Variants in C12orf76 observed in about 807,000 individuals in gnomAD.
C12orf76 encodes uncharacterized protein C12orf76.
In C12orf76, 6 loss-of-function variants were observed where a neutral mutation model predicts 6.8. The observed-to-expected ratio is 0.88, with a 90% CI of 0.48 to 1.73. The LOEUF (loss-of-function observed/expected upper bound fraction) is 1.73. C12orf76 is among the 40% of genes most tolerant of loss of function. The probability of loss-of-function intolerance (pLI) is 0.01; values close to 1 mark genes in which losing one functional copy is unlikely to be tolerated. For synonymous variants in C12orf76, 56 were observed against 43.7 expected (o/e 1.28, Z -1.11); for missense variants, 99 against 98.2 (o/e 1.01, Z -0.03).
intron 1 of C12orf76, among the ~76,000 whole-genome samples, chr12:110,044,785 C>T (rs928487734): frequency 6.6e-6 from 1 of 152,014 alleles, no homozygotes; most frequent in Non-Finnish European, 1.5e-5. Flanking sequence ...ACCAGCCTGA[C>T]CAACATGGAG....
chr12:110,066,935 A>G (rs1380140147), intron 1 of C12orf76, among the ~76,000 whole-genome samples: 1 of 152,204 alleles, frequency 6.6e-6, no homozygotes, highest in Non-Finnish European at 1.5e-5. Flanking sequence ...ACCACGAATG[A>G]GAACACAGGC....
upstream of C12orf76, among the ~76,000 whole-genome samples, chr12:110,072,175 C>G (rs1436999850): frequency 6.6e-6 from 1 of 151,868 alleles, no homozygotes; most frequent in African/African-American, 2.4e-5. Flanking sequence ...GCCTGTAATC[C>G]TAATACTTCA....
chr12:110,060,794 G>T (rs574495474), intron 2 of C12orf76, among the ~76,000 whole-genome samples: 1 of 152,144 alleles, frequency 6.6e-6, no homozygotes, highest in Non-Finnish European at 1.5e-5. Context: ...CCAGCACTTT[G>T]GGAGGCTGAG....
At chr12:110,052,198 CT>C (rs535081029), upstream of C12orf76, among the ~76,000 whole-genome samples, 230 of 134,158 alleles carry the variant, frequency 1.7e-3, no homozygotes, top group Middle Eastern at 4.5e-3. Flanking sequence ...GCCCGGCCTT[CT>C]TTTTTTTTTT....
upstream of C12orf76, among the ~76,000 whole-genome samples, chr12:110,071,075 C>A (rs144950179): frequency 1.3e-5 from 2 of 152,122 alleles, no homozygotes; most frequent in Non-Finnish European, 2.9e-5. Flanking sequence ...ATGCCCGGCC[C>A]AGTGTATATG....
At chr12:110,052,049 C>T (rs1268680688), upstream of C12orf76, among the ~76,000 whole-genome samples, 11 of 151,428 alleles carry the variant, frequency 7.3e-5, no homozygotes, top group South Asian at 4.2e-4. Flanking sequence ...CCCGCCACCA[C>T]GCCTGGCTAA....
intron 2 of C12orf76, among the ~76,000 whole-genome samples, chr12:110,062,148 C>T (rs1338408952): frequency 6.6e-6 from 1 of 152,092 alleles, no homozygotes; most frequent in Non-Finnish European, 1.5e-5. Flanking sequence ...CCTGTAATCC[C>T]AGCTACTTAG....
At chr12:110,058,252 C>T (rs570213223) in intron 3 of C12orf76, among the ~76,000 whole-genome samples, 2 of 152,162 alleles carry the variant, frequency 1.3e-5, no homozygotes, top group African/African-American at 4.8e-5. Flanking sequence ...GCTATTTTTA[C>T]TCAATAATAT....
chr12:110,070,411 A>G (rs1025633315), upstream of C12orf76, among the ~76,000 whole-genome samples: 1 of 152,100 alleles, frequency 6.6e-6, no homozygotes, highest in Non-Finnish European at 1.5e-5. Context: ...CAAAAACAAT[A>G]AAAAATTAGC....
upstream of C12orf76, among the ~76,000 whole-genome samples, chr12:110,068,137 G>C (rs540343313): frequency 1.3e-5 from 2 of 151,996 alleles, no homozygotes; most frequent in African/African-American, 4.8e-5. Flanking sequence ...CCGGGAGGCA[G>C]AGGTTGTGGC....
At chr12:110,072,956 A>G (rs1282730841) in intron 1 of C12orf76, among the ~76,000 whole-genome samples, 3 of 151,898 alleles carry the variant, frequency 2.0e-5, no homozygotes. Context: ...CTCAAAAAAA[A>G]AAAAAGAAAA....
upstream of C12orf76, among the ~76,000 whole-genome samples, chr12:110,068,380 A>G (rs1185643457): frequency 6.6e-6 from 1 of 152,140 alleles, no homozygotes; most frequent in Non-Finnish European, 1.5e-5. Flanking sequence ...GAGAGAACCT[A>G]CCTGATGACA....
At chr12:110,049,097 A>G (rs142493324), upstream of C12orf76, 3 of 152,406 alleles carry the variant, frequency 2.0e-5, no homozygotes, top group Non-Finnish European at 2.9e-5. Context: ...CCTAGCATGT[A>G]AAGTCCACGA....
intron 2 of C12orf76, chr12:110,059,249 T>G: frequency 7.1e-7 from 1 of 1,407,306 alleles, no homozygotes; most frequent in Non-Finnish European, 9.5e-7. Context: ...GTTAATTAGC[T>G]CTATCTAATA....
At chr12:110,072,182 T>C (rs1892967305), upstream of C12orf76, among the ~76,000 whole-genome samples, 1 of 151,996 alleles carries the variant, frequency 6.6e-6, no homozygotes, top group Admixed American at 6.6e-5. Context: ...ATCCTAATAC[T>C]TCAGGAGGCT....
chr12:110,059,037 G>A, exon 3 of C12orf76: 1 of 1,551,662 alleles, frequency 6.4e-7, no homozygotes, highest in South Asian at 1.2e-5. Flanking sequence ...CGAGAAGCTT[G>A]TCCAAGGTCA....
intron 4 of C12orf76, among the ~76,000 whole-genome samples, chr12:110,055,207 G>A (rs927574008): frequency 2.0e-5 from 3 of 150,710 alleles, no homozygotes; most frequent in Non-Finnish European, 3.0e-5. Flanking sequence ...GCATATATGA[G>A]ACGAAGCTTT....
At chr12:110,051,312 A>G, upstream of C12orf76, 1 of 702,016 alleles carries the variant, frequency 1.4e-6, no homozygotes, top group Non-Finnish European at 2.6e-6. Flanking sequence ...CACAATGGGA[A>G]GCATAATCAT....
chr12:110,057,271 C>G, exon 4 of C12orf76: 1 of 1,613,740 alleles, frequency 6.2e-7, no homozygotes, highest in Non-Finnish European at 8.5e-7. Flanking sequence ...TGCCTTTCAG[C>G]AAAGTTCCTC....
Sources: allele counts gnomAD v4.1 joint callset (sites outside exome capture counted in the v4.1 genomes callset), GRCh38; gene constraint gnomAD v4.1.1; transcripts MANE v1.5; gene names NCBI Gene and HGNC (gene_info 2026-07-23, HGNC 2026-07-21).